GABBR2: variants seen among roughly 807,000 people sequenced by gnomAD.
GABBR2 encodes the protein G-protein coupled receptor 51.
Under a neutral mutation model 105.6 loss-of-function variants are expected in GABBR2, and 23 were observed. That is an observed-to-expected ratio of 0.22 (90% CI 0.16 to 0.31). The LOEUF (loss-of-function observed/expected upper bound fraction) is 0.31. GABBR2 is among the 10% of genes least tolerant of loss of function. The probability of loss-of-function intolerance (pLI) is 1.00; values close to 1 mark genes in which losing one functional copy is unlikely to be tolerated. For synonymous variants in GABBR2, 478 were observed against 499.7 expected, an observed-to-expected ratio of 0.96 and a Z score of 0.58; for missense variants, 734 against 1,245.5, an observed-to-expected ratio of 0.59 and a Z score of 6.18.
chr9:98,423,687 A>C (rs560039598), intron 7 of GABBR2, among the ~76,000 whole-genome samples: 1 of 152,204 alleles, frequency 6.6e-6, no homozygotes, highest in Non-Finnish European at 1.5e-5. Flanking sequence ...GCCCATGCCT[A>C]TGTCCTGAAT....
At chr9:98,476,232 G>C (rs1323524326) in intron 5 of GABBR2, among the ~76,000 whole-genome samples, 1 of 152,180 alleles carries the variant, frequency 6.6e-6, no homozygotes, top group Non-Finnish European at 1.5e-5. Context: ...GATCAGCTCT[G>C]ACAGTTCTTC....
At chr9:98,593,363 C>T (rs564062098) in intron 1 of GABBR2, among the ~76,000 whole-genome samples, 116 of 152,152 alleles carry the variant, frequency 7.6e-4, no homozygotes, top group African/African-American at 2.6e-3. Flanking sequence ...ACTTGAAGGT[C>T]GTTATTCAAG....
Position 98,424,565 on chromosome 9 carries a change from T to C in GABBR2, c.1237-18424A>G, listed in dbSNP as rs1312271458. ...TTGCCCCTGTTTGCAGACGACATGA[T>C]TGTATATCTAGAAAACCCCATTGTC... is the stretch of plus-strand genomic sequence containing the variant. On this transcript the variant is annotated intron_variant, in intron 7 of 18. Coordinates refer to ENST00000259455, the MANE Select transcript of GABBR2 (RefSeq NM_005458.8). Among the ~76,000 whole-genome samples the C allele has an allele frequency of 2.0e-5, 3 of 151,964 alleles. No individual in the cohort carries two copies. In the East Asian group the frequency reaches 5.8e-4, roughly 29 times the overall value.
chr9:98,461,642 G>T (rs888531441), intron 6 of GABBR2, among the ~76,000 whole-genome samples: 1 of 152,128 alleles, frequency 6.6e-6, no homozygotes, highest in Admixed American at 6.5e-5. Flanking sequence ...ATATCTTCAC[G>T]AGCATGGGTG....
chr9:98,506,554 CAG>C (rs986401878), intron 3 of GABBR2, among the ~76,000 whole-genome samples: 57 of 152,186 alleles, frequency 3.7e-4, no homozygotes, highest in African/African-American at 1.4e-3. Context: ...TCTGCAGACA[CAG>C]GGGTGAGTCC....
At chr9:98,382,334 G>A (rs1425259867) in intron 11 of GABBR2, among the ~76,000 whole-genome samples, 1 of 151,806 alleles carries the variant, frequency 6.6e-6, no homozygotes, top group Non-Finnish European at 1.5e-5. Context: ...TTTTTTTTGA[G>A]ACCGAGTCTC....
At chr9:98,330,109 A>G (rs998037144) in intron 13 of GABBR2, among the ~76,000 whole-genome samples, 16 of 152,132 alleles carry the variant, frequency 1.1e-4, no homozygotes, top group Non-Finnish European at 1.8e-4. Context: ...TTAAAGTCCA[A>G]GCTCCCTCCA....
chr9:98,429,614 T>C (rs2131569738), intron 7 of GABBR2, among the ~76,000 whole-genome samples: 1 of 152,250 alleles, frequency 6.6e-6, no homozygotes, highest in Middle Eastern at 3.4e-3. Flanking sequence ...GCATGGTGGT[T>C]AGGAAGATTT....
At chr9:98,332,561 C>T (rs1300661614) in intron 13 of GABBR2, among the ~76,000 whole-genome samples, 1 of 152,218 alleles carries the variant, frequency 6.6e-6, no homozygotes, top group Admixed American at 6.5e-5. Context: ...TGGTCCAAAA[C>T]CTTGTATCAT....
chr9:98,319,663 C>A (rs143230452), intron 13 of GABBR2, among the ~76,000 whole-genome samples: 6 of 152,040 alleles, frequency 3.9e-5, no homozygotes, highest in African/African-American at 1.4e-4. Context: ...ACTGTGACAG[C>A]CCTGATCTCC....
intron 3 of GABBR2, among the ~76,000 whole-genome samples, chr9:98,510,714 G>A (rs9776342): frequency 0.96 from 142,619 of 148,548 alleles, 68,507 homozygotes; most frequent in African/African-American, 0.99. Context: ...TCAACAAGAA[G>A]AGCTAACTAT....
chr9:98,359,586 C>A (rs1472552515), intron 13 of GABBR2, among the ~76,000 whole-genome samples: 1 of 152,160 alleles, frequency 6.6e-6, no homozygotes, highest in Non-Finnish European at 1.5e-5. Context: ...TCCATGGGTC[C>A]TTCCTGTTAT....
At chr9:98,473,801 C>T (rs1423599007) in intron 5 of GABBR2, among the ~76,000 whole-genome samples, 1 of 152,148 alleles carries the variant, frequency 6.6e-6, no homozygotes, top group Admixed American at 6.5e-5. Flanking sequence ...CTAAAAATGT[C>T]CCATATGGAG....
rs770194687 is a variant in GABBR2 at position 98,496,539 on chromosome 9, G to C, written c.631-25C>G. The C allele has an allele frequency of 1.2e-5, 19 of 1,525,610 alleles. No individual in the cohort carries two copies. In the South Asian group the frequency reaches 2.1e-4, roughly 17 times the overall value. 94.5% of individuals were successfully genotyped at this position (1,525,610 alleles called of 1,614,324 possible). ...CCTGTCAGCAAAGAGAAAGCAGAGG[G>C]TGGGTGTGCTGGGGACCACAGGAAG... On this transcript the variant is annotated intron_variant, in intron 3 of 18. Transcript: ENST00000259455.
At chr9:98,311,017 A>G (rs938551945) in intron 14 of GABBR2, 78 bp downstream of exon 14, 2 of 781,552 alleles carry the variant, frequency 2.6e-6, no homozygotes, top group Admixed American at 2.0e-5. Context: ...TTATTTTTAC[A>G]TTGATGGAGG....
chr9:98,475,112 T>C (rs1826762034), intron 5 of GABBR2, among the ~76,000 whole-genome samples: 1 of 152,124 alleles, frequency 6.6e-6, no homozygotes, highest in South Asian at 2.1e-4. Flanking sequence ...CTAGACTCCT[T>C]CGATGATACA....
chr9:98,468,283 G>A (rs1826601076), intron 6 of GABBR2, among the ~76,000 whole-genome samples: 1 of 152,194 alleles, frequency 6.6e-6, no homozygotes, highest in Admixed American at 6.5e-5. Context: ...GCATACAAAG[G>A]AGGGAACCTT....
chr9:98,677,810 GCT>G (rs1199093895), intron 1 of GABBR2, among the ~76,000 whole-genome samples: 2 of 151,710 alleles, frequency 1.3e-5, no homozygotes, highest in African/African-American at 2.4e-5. Flanking sequence ...CCTTCACAGG[GCT>G]CTCTCTCTCT....
chr9:98,655,270 C>T (rs1033916588), intron 1 of GABBR2, among the ~76,000 whole-genome samples: 3 of 152,030 alleles, frequency 2.0e-5, no homozygotes, highest in Non-Finnish European at 2.9e-5. Context: ...GATTGTACCA[C>T]TCTGGTGGGG....
Sources: allele counts gnomAD v4.1 joint callset (sites outside exome capture counted in the v4.1 genomes callset), GRCh38; gene constraint gnomAD v4.1.1; transcripts MANE v1.5; gene names NCBI Gene and HGNC (gene_info 2026-07-23, HGNC 2026-07-21).